BPIFA2: variants seen among roughly 807,000 people sequenced by gnomAD.
The protein encoded by BPIFA2 is BPI fold-containing family A member 2.
BPIFA2 carries 20 observed loss-of-function variants against 25.7 expected under a neutral mutation model. The observed-to-expected ratio is 0.78, with a 90% CI of 0.55 to 1.13. The LOEUF is 1.13. Ranked by LOEUF, BPIFA2 falls within the 50% of genes most tolerant of loss-of-function variation. The probability of loss-of-function intolerance (pLI) is 0.00; values close to 1 mark genes in which losing one functional copy is unlikely to be tolerated. For synonymous variants in BPIFA2, 126 were observed against 124.3 expected, an observed-to-expected ratio of 1.01 and a Z score of -0.09; for missense variants, 300 against 298.1, an observed-to-expected ratio of 1.01 and a Z score of -0.05.
chr20:33,172,914 G>A lies in BPIFA2; in HGVS notation c.158-18G>A. 1 of 1,611,290 alleles carries A rather than the reference G, an allele frequency of 6.2e-7. No individual in the cohort carries two copies. Among genetic ancestry groups the A allele is most frequent in the Non-Finnish European group, 8.5e-7 (1 of 1,178,790 alleles). On this transcript the variant is annotated intron_variant, in intron 2 of 8. Coordinates refer to ENST00000354932, the MANE Select transcript of BPIFA2 (RefSeq NM_080574.4). ...TCGTAAGTGGTGCGTGACACAAAAT[G>A]GCGATTGTTTTTGGCAGGCATCCTT...
At chr20:33,176,765 T>A (rs1984092647) in intron 5 of BPIFA2, among the ~76,000 whole-genome samples, 1 of 152,182 alleles carries the variant, frequency 6.6e-6, no homozygotes, top group Non-Finnish European at 1.5e-5. Flanking sequence ...CCCACCCTTG[T>A]ATCCCTGTAC....
upstream of BPIFA2, among the ~76,000 whole-genome samples, chr20:33,164,829 C>A (rs184621934): frequency 2.0e-5 from 3 of 152,232 alleles, no homozygotes; most frequent in South Asian, 4.1e-4. Context: ...GACCCTGACC[C>A]GGTGAAAACT....
At position 33,181,262 on chromosome 20, in the gene BPIFA2, C is replaced by T. The variant is rs1366288291; in HGVS notation, c.*76C>T. ...GGCTTGCCCCACCCCCTTATAGCAT[C>T]TCCCTCCAGGAAGCTGCTGCCACCA... is the stretch of plus-strand genomic sequence containing the variant. On this transcript the variant is annotated 3_prime_UTR_variant, in exon 9 of 9. Transcript: ENST00000354932. 1 of 152,384 alleles carries T rather than the reference C, an allele frequency of 6.6e-6. No homozygotes were observed. 9.4% of individuals were successfully genotyped at this position (152,384 alleles called of 1,614,324 possible).
chr20:33,172,902 G>A (rs6579083), intron 2 of BPIFA2, 30 bp from the exon 3 acceptor site: 103,766 of 1,608,390 alleles, frequency 0.065, 15,454 homozygotes, highest in African/African-American at 0.6. Context: ...TAAGTGGTGC[G>A]TGACACAAAA....
chr20:33,173,290 G>A (rs554051210), intron 3 of BPIFA2, among the ~76,000 whole-genome samples: 4 of 152,188 alleles, frequency 2.6e-5, no homozygotes, highest in South Asian at 4.2e-4. Context: ...TCGGGCTTCC[G>A]CTTTCTTTAA....
intron 4 of BPIFA2, 144 bp from the exon 5 acceptor site, chr20:33,175,263 G>T: frequency 3.8e-6 from 3 of 795,818 alleles, no homozygotes; most frequent in Non-Finnish European, 3.9e-6. Flanking sequence ...TCTCATAGAG[G>T]ATATGGACCA....
rs755982612 is a variant in BPIFA2 at position 33,174,166 on chromosome 20, C to G, written c.390C>G (p.Thr130=). The change falls in exon 4 of 9, where the codon ACC becomes ACG. Residue 130 remains threonine, a synonymous_variant. Coordinates refer to ENST00000354932, the MANE Select transcript of BPIFA2 (RefSeq NM_080574.4). ...GCCTTAACCTGAGCTTCCCTGTCAC[C>G]GCGAATGTCACTGTGGCCGGGTGAG... ...GKGLNLSFPV[T]ANVTVAGPII... is the part of the protein sequence containing the mutation. The G allele has an allele frequency of 6.2e-7, 1 of 1,613,964 alleles. No homozygotes were observed. Among genetic ancestry groups the G allele is most frequent in the African/African-American group, 1.3e-5 (1 of 74,904 alleles).
chr20:33,175,796 C>T (rs552558848), intron 5 of BPIFA2, among the ~76,000 whole-genome samples: 2 of 152,274 alleles, frequency 1.3e-5, no homozygotes, highest in East Asian at 3.9e-4. Flanking sequence ...TACTCATAGG[C>T]TTCTGAGATG....
intron 1 of BPIFA2, among the ~76,000 whole-genome samples, chr20:33,162,729 T>C (rs1177949870): frequency 1.3e-5 from 2 of 152,150 alleles, no homozygotes; most frequent in African/African-American, 4.8e-5. Flanking sequence ...AGGACCCAAA[T>C]TGAGGTCTGG....
intron 5 of BPIFA2, among the ~76,000 whole-genome samples, chr20:33,177,930 G>A (rs538196451): frequency 2.0e-5 from 3 of 152,268 alleles, no homozygotes; most frequent in South Asian, 2.1e-4. Context: ...AGGTCTCTGC[G>A]CTGAGAATCT....
At chr20:33,165,858 C>T (rs913898021), upstream of BPIFA2, among the ~76,000 whole-genome samples, 2 of 152,062 alleles carry the variant, frequency 1.3e-5, no homozygotes, top group Non-Finnish European at 2.9e-5. Flanking sequence ...GAGGAGCACA[C>T]AGGAGGAGTT....
Position 33,180,581 on chromosome 20 carries a change from C to A in BPIFA2, c.*21C>A, listed in dbSNP as rs147944008. 1,635 of 1,607,382 alleles carry A rather than the reference C, an allele frequency of 1.0e-3. 16 individuals carry two copies. In the African/African-American group the frequency reaches 0.02, roughly 19 times the overall value. ...TCTGAAGAGGACGAATGAGGAGGAC[C>A]ACTGTGGTGCATGCTGGTGAGGAGC... On this transcript the variant is annotated 3_prime_UTR_variant, in exon 8 of 9. Transcript: ENST00000354932.
rs1051641242 is a variant in BPIFA2, at chr20:33,169,432, C to A, written c.157+130C>A. The stretch of plus-strand genomic sequence containing the variant: ...TACTGAGAAAAGTGGCTATTCAATT[C>A]CTGACTCATTCGTTTATCTTTCTAG... On this transcript the variant is annotated intron_variant, in intron 2 of 8. Coordinates refer to ENST00000354932, the MANE Select transcript of BPIFA2 (RefSeq NM_080574.4). 2.1e-5 allele frequency: 17 copies of A among 810,702 alleles called. No homozygotes were observed. The Admixed American group carries it at 3.8e-4, about 18-fold the overall frequency. 50.2% of individuals were successfully genotyped at this position (810,702 alleles called of 1,614,324 possible).
chr20:33,178,087 G>A, intron 5 of BPIFA2, 60 bp from the exon 6 acceptor site: 1 of 1,336,692 alleles, frequency 7.5e-7, no homozygotes, highest in Non-Finnish European at 1.1e-6. Context: ...CCAACTTTTT[G>A]GCAGTTCTCC....
intron 7 of BPIFA2, among the ~76,000 whole-genome samples, chr20:33,179,898 C>G (rs8120668): frequency 0.092 from 13,996 of 152,130 alleles, 1,292 homozygotes; most frequent in African/African-American, 0.24. Flanking sequence ...GCTGTCAAGA[C>G]CCTGGAGGTG....
At chr20:33,164,108 T>C (rs1983652726), upstream of BPIFA2, among the ~76,000 whole-genome samples, 2 of 152,200 alleles carry the variant, frequency 1.3e-5, no homozygotes, top group African/African-American at 4.8e-5. Flanking sequence ...GCTTCAGACA[T>C]CTTTGACCCC....
At chr20:33,171,441 T>C (rs1338415304) in intron 2 of BPIFA2, among the ~76,000 whole-genome samples, 1 of 152,010 alleles carries the variant, frequency 6.6e-6, no homozygotes, top group African/African-American at 2.4e-5. Flanking sequence ...GGCATTAGAG[T>C]GAACAGGCAA....
chr20:33,178,186 C>A lies in BPIFA2; in HGVS notation c.603C>A (p.Ile201=). Residue 201 remains isoleucine, a synonymous_variant, in exon 6 of 9, where the codon ATC becomes ATA. Coordinates refer to ENST00000354932, the MANE Select transcript of BPIFA2 (RefSeq NM_080574.4). ...TCAACAAGTTCGTGAATAGCGTGAT[C>A]AACACGCTGAAAAGCACTGTATCCT... The part of the protein sequence containing the change: ...QIINKFVNSV[I]NTLKSTVSSL... 1.2e-6 allele frequency: 2 copies of A among 1,607,672 alleles called. No homozygotes were observed. Among genetic ancestry groups the A allele is most frequent in the South Asian group, 1.1e-5 (1 of 90,336 alleles).
At chr20:33,164,837 A>T (rs1983679775), upstream of BPIFA2, among the ~76,000 whole-genome samples, 1 of 152,038 alleles carries the variant, frequency 6.6e-6, no homozygotes, top group South Asian at 2.1e-4. Context: ...CCCGGTGAAA[A>T]CTCCTTTAAA....
Sources: gnomAD v4.1 joint callset for allele counts (sites outside exome capture counted in the v4.1 genomes callset) on GRCh38, gnomAD v4.1.1 for gene constraint, MANE v1.5 for transcripts, NCBI Gene and HGNC (gene_info 2026-07-23, HGNC 2026-07-21) for gene names.